Variants in VDAC1 observed in about 807,000 individuals in gnomAD.
VDAC1 encodes the protein non-selective voltage-gated ion channel VDAC1.
Under a neutral mutation model 34.7 loss-of-function variants are expected in VDAC1, and 10 were observed. That is an observed-to-expected ratio of 0.29 (90% confidence interval 0.18 to 0.49). VDAC1 has a LOEUF of 0.49. VDAC1 is among the 20% of genes least tolerant of loss of function. The pLI, the probability that VDAC1 is intolerant of heterozygous loss-of-function variation, is 0.99. For synonymous variants in VDAC1, 130 were observed against 136.0 expected, an observed-to-expected ratio of 0.96 and a Z score of 0.30; for missense variants, 230 against 347.9, an observed-to-expected ratio of 0.66 and a Z score of 2.69.
chr5:134,032,298 T>C, the VDAC1 span, among the ~76,000 whole-genome samples: 1 of 152,022 alleles, frequency 6.6e-6, no homozygotes, highest in African/African-American at 2.4e-5. Flanking sequence ...AGTTAAACCA[T>C]TTCAGACTTG....
At chr5:133,996,320 G>A (rs1753305425) in intron 1 of VDAC1, among the ~76,000 whole-genome samples, 1 of 152,146 alleles carries the variant, frequency 6.6e-6, no homozygotes. Flanking sequence ...CCCCTCCACA[G>A]CCTGCCAGTC....
intron 5 of VDAC1, among the ~76,000 whole-genome samples, chr5:133,985,294 G>T (rs1412144965): frequency 6.6e-6 from 1 of 152,176 alleles, no homozygotes; most frequent in Non-Finnish European, 1.5e-5. Context: ...CCTCAATTTT[G>T]TTCAAGTTAC....
At chr5:134,032,758 G>C in the VDAC1 span, among the ~76,000 whole-genome samples, 1 of 152,192 alleles carries the variant, frequency 6.6e-6, no homozygotes, top group Non-Finnish European at 1.5e-5. Context: ...AAAGCCAGGA[G>C]CAGTGGATCA....
the VDAC1 span, among the ~76,000 whole-genome samples, chr5:134,078,569 G>A: frequency 6.6e-6 from 1 of 151,914 alleles, no homozygotes; most frequent in Non-Finnish European, 1.5e-5. Flanking sequence ...AGCCCAGTAG[G>A]GCCTTTACAT....
At chr5:134,104,379 C>T in the VDAC1 span, among the ~76,000 whole-genome samples, 341 of 152,304 alleles carry the variant, frequency 2.2e-3, 1 homozygote, top group Non-Finnish European at 3.3e-3. Context: ...GTGAGAATCC[C>T]GGAGGGAGGG....
chr5:134,064,016 TTTTTA>T, the VDAC1 span, among the ~76,000 whole-genome samples: 741 of 149,490 alleles, frequency 5.0e-3, 1 homozygote, highest in Middle Eastern at 0.014. Context: ...TTTTTTTTTT[TTTTTA>T]GAGACAGGTT....
chr5:133,978,895 C>T (rs967821120), intron 6 of VDAC1, among the ~76,000 whole-genome samples: 1 of 152,112 alleles, frequency 6.6e-6, no homozygotes, highest in Admixed American at 6.5e-5. Context: ...CACCTGTAGT[C>T]CCAGCTACTT....
chr5:134,005,509 A>G (rs1753729481), upstream of VDAC1: 1 of 152,212 alleles, frequency 6.6e-6, no homozygotes, highest in Non-Finnish European at 1.5e-5. Flanking sequence ...CTAGCAGCCA[A>G]TTTCCATGCA....
the VDAC1 span, among the ~76,000 whole-genome samples, chr5:134,065,429 C>T: frequency 1.3e-5 from 2 of 149,868 alleles, no homozygotes; most frequent in Admixed American, 6.7e-5. Context: ...CAACCTCTGC[C>T]TCCTGGGTTC....
the VDAC1 span, among the ~76,000 whole-genome samples, chr5:134,085,885 C>T: frequency 6.6e-6 from 1 of 151,676 alleles, no homozygotes; most frequent in African/African-American, 2.4e-5. Flanking sequence ...AGAATAAGAC[C>T]CTATCTCTGA....
At chr5:134,031,972 CA>C in the VDAC1 span, among the ~76,000 whole-genome samples, 1 of 120,220 alleles carries the variant, frequency 8.3e-6, no homozygotes, top group East Asian at 2.5e-4. Flanking sequence ...AAAAAAAGAA[CA>C]AAAAAATTAG....
chr5:134,076,429 T>C, the VDAC1 span, among the ~76,000 whole-genome samples: 1 of 152,210 alleles, frequency 6.6e-6, no homozygotes, highest in Non-Finnish European at 1.5e-5. Flanking sequence ...TGTTGCCATA[T>C]GTGTTTCGGT....
At chr5:134,024,099 T>C in the VDAC1 span, among the ~76,000 whole-genome samples, 1 of 150,134 alleles carries the variant, frequency 6.7e-6, no homozygotes. Flanking sequence ...GCTGAGATCA[T>C]GCCACTGCAC....
At chr5:134,108,745 T>C in the VDAC1 span, among the ~76,000 whole-genome samples, 9 of 152,142 alleles carry the variant, frequency 5.9e-5, no homozygotes, top group South Asian at 4.2e-4. Flanking sequence ...AACTGAGACA[T>C]GAAAAGGTGC....
intron 1 of VDAC1, among the ~76,000 whole-genome samples, chr5:134,001,611 G>A (rs1412609605): frequency 6.6e-6 from 1 of 151,462 alleles, no homozygotes; most frequent in South Asian, 2.1e-4. Context: ...CCGGCTACTC[G>A]AGAGGGTGAG....
chr5:134,003,843 G>C (rs1338959462), intron 1 of VDAC1, among the ~76,000 whole-genome samples: 1 of 152,246 alleles, frequency 6.6e-6, no homozygotes, highest in African/African-American at 2.4e-5. Flanking sequence ...GTGTGACCTT[G>C]TACAAACCAC....
At chr5:134,083,417 T>C in the VDAC1 span, among the ~76,000 whole-genome samples, 1 of 152,204 alleles carries the variant, frequency 6.6e-6, no homozygotes, top group Non-Finnish European at 1.5e-5. Flanking sequence ...CTCAGACTCC[T>C]GACCTCAAGT....
At chr5:134,018,133 G>C in the VDAC1 span, among the ~76,000 whole-genome samples, 1 of 152,214 alleles carries the variant, frequency 6.6e-6, no homozygotes, top group Non-Finnish European at 1.5e-5. Context: ...AAAAAAGCAT[G>C]GTGCGGGCAT....
the VDAC1 span, among the ~76,000 whole-genome samples, chr5:134,090,975 C>T: frequency 6.6e-6 from 1 of 152,220 alleles, no homozygotes. Flanking sequence ...GGTCCTACCC[C>T]TGATCTGTGG....
Sources: gnomAD v4.1 joint callset for allele counts (sites outside exome capture counted in the v4.1 genomes callset) on GRCh38, gnomAD v4.1.1 for gene constraint, MANE v1.5 for transcripts, NCBI Gene and HGNC (gene_info 2026-07-23, HGNC 2026-07-21) for gene names.